The following WTAP variants were observed in gnomAD, a reference collection of about 807,000 sequenced individuals.
The protein encoded by WTAP is pre-mRNA-splicing regulator WTAP.
WTAP carries 8 observed loss-of-function variants against 50.0 expected under a neutral mutation model. The ratio of observed to expected loss-of-function variants is 0.16; its 90% confidence interval spans 0.09 to 0.29. The LOEUF is 0.29. Among genes scored for constraint, WTAP ranks in the 10% least tolerant of loss-of-function variants. The pLI, the probability that WTAP is intolerant of heterozygous loss-of-function variation, is 1.00. For synonymous variants in WTAP, 194 were observed against 169.0 expected, an observed-to-expected ratio of 1.15 and a Z score of -1.15; for missense variants, 295 against 470.7, an observed-to-expected ratio of 0.63 and a Z score of 3.45.
intron 1 of WTAP, among the ~76,000 whole-genome samples, chr6:159,728,018 C>T (rs1457967301): frequency 6.6e-6 from 1 of 152,220 alleles, no homozygotes; most frequent in Non-Finnish European, 1.5e-5. Context: ...CTCGTTTTTT[C>T]CTCGCCTCGG....
intron 6 of WTAP, among the ~76,000 whole-genome samples, chr6:159,752,882 A>C (rs556322573): frequency 1.3e-5 from 2 of 152,244 alleles, no homozygotes; most frequent in South Asian, 4.2e-4. Context: ...TGGCACTACA[A>C]GCATGTGTGC....
At chr6:159,738,859 A>G in intron 2 of WTAP, 131 bp from the exon 3 acceptor site, 1 of 566,908 alleles carries the variant, frequency 1.8e-6, no homozygotes, top group Non-Finnish European at 2.9e-6. Context: ...GTAATAAAAT[A>G]CTTTTTCAAA....
rs375667871 is a variant in WTAP at position 159,753,566 on chromosome 6, T to C, written c.559T>C (p.Leu187=). The change falls in exon 7 of 8, where the codon TTG becomes CTG. Residue 187 remains leucine, a synonymous_variant. Coordinates refer to ENST00000621533, the MANE Select transcript of WTAP (RefSeq NM_001270531.2). ...ACGTATTGCACAACTTGAAGCAGAGTTGGCTTTACAGAAGAAATACAGTGA... is the reference window on the plus strand; with the variant it reads ...ACGTATTGCACAACTTGAAGCAGAGCTGGCTTTACAGAAGAAATACAGTGA... The part of the protein sequence containing the change: ...QGRIAQLEAE[L]ALQKKYSEEL... The C allele has an allele frequency of 9.3e-6, 15 of 1,613,998 alleles. No individual in the cohort carries two copies. The highest frequency in any genetic ancestry group is 1.3e-5 in the African/African-American group (1 of 74,916).
rs554311379 is a variant in WTAP, at chr6:159,730,118, A to G, written c.-9+2415A>G. Among the ~76,000 whole-genome samples the G allele has an allele frequency of 1.2e-4, 19 of 152,254 alleles. 1 individual carries two copies. The South Asian group carries it at 3.7e-3, about 30-fold the overall frequency. On this transcript the variant is annotated intron_variant, in intron 1 of 7. Transcript: ENST00000621533. The stretch of plus-strand genomic sequence containing the variant: ...CCTTTTGAGGGGCACCAAATTTGAG[A>G]CCCTTACCCCCAATTTATTAATTAA...
At chr6:159,739,108 T>G in intron 3 of WTAP, 63 bp downstream of exon 3, 1 of 1,296,412 alleles carries the variant, frequency 7.7e-7, no homozygotes, top group Non-Finnish European at 1.1e-6. Flanking sequence ...GACTCTACAC[T>G]GTAATTGTCT....
Position 159,755,398 on chromosome 6 carries a change from T to C in WTAP, c.978T>C (p.Ser326=). The part of the protein sequence containing the change: ...SSEERTGRGG[S]GYVNQLSAGY... ...AGGAGAGAACTGGCAGAGGAGGTAG[T>C]GGTTACGTAAATCAACTCAGTGCGG... The change falls in exon 8 of 8, where the codon AGT becomes AGC. Residue 326 remains serine (S), a synonymous_variant. Coordinates refer to ENST00000621533, the MANE Select transcript of WTAP (RefSeq NM_001270531.2). 1 of 1,614,140 alleles carries C rather than the reference T, an allele frequency of 6.2e-7. No homozygotes were observed.
chr6:159,746,743 T>C (rs1187407628), intron 5 of WTAP, among the ~76,000 whole-genome samples: 2 of 152,222 alleles, frequency 1.3e-5, no homozygotes, highest in Admixed American at 6.5e-5. Flanking sequence ...ATTTAGTCTT[T>C]TGCCAATCAA....
At chr6:159,750,386 A>G (rs1779774675) in intron 6 of WTAP, among the ~76,000 whole-genome samples, 1 of 152,142 alleles carries the variant, frequency 6.6e-6, no homozygotes, top group Admixed American at 6.5e-5. Context: ...TTTCTCTTTT[A>G]ATAAGATAAT....
chr6:159,740,090 TCA>T (rs1460604826), intron 3 of WTAP, among the ~76,000 whole-genome samples: 1 of 152,000 alleles, frequency 6.6e-6, no homozygotes, highest in Non-Finnish European at 1.5e-5. Flanking sequence ...AGTGATTCTC[TCA>T]CCTTGGCCTC....
At chr6:159,753,747 T>C in intron 7 of WTAP, 133 bp downstream of exon 7, 1 of 1,153,232 alleles carries the variant, frequency 8.7e-7, no homozygotes. Context: ...TTATTGTGAG[T>C]GAAGCATTTT....
chr6:159,727,812 C>T (rs1437774572), intron 1 of WTAP, 109 bp downstream of exon 1: 2 of 787,944 alleles, frequency 2.5e-6, no homozygotes, highest in African/African-American at 1.9e-5. Flanking sequence ...CGAAAGGCCA[C>T]ACGGGCCTGG....
rs1779078769 is a variant in WTAP, at chr6:159,738,921, A to G, written c.31-69A>G. On this transcript the variant is annotated intron_variant, in intron 2 of 7. Transcript: ENST00000621533. Reference sequence around the variant, plus strand: ...AAATCTCACACTTGGGAGATGTTTCATAGGTCTCATTATAGAACTTTGTGT... The same window carrying G: ...AAATCTCACACTTGGGAGATGTTTCGTAGGTCTCATTATAGAACTTTGTGT... 4 of 1,158,746 alleles carry G rather than the reference A, an allele frequency of 3.5e-6. No individual in the cohort carries two copies. In the South Asian group the frequency reaches 5.4e-5, roughly 16 times the overall value. The allele number at this position is 1,158,746 out of a possible 1,614,324, so 71.8% of individuals were successfully genotyped here.
At chr6:159,734,539 T>A (rs1311803213) in intron 1 of WTAP, among the ~76,000 whole-genome samples, 1 of 152,086 alleles carries the variant, frequency 6.6e-6, no homozygotes, top group Non-Finnish European at 1.5e-5. Flanking sequence ...GGGCTGGGCG[T>A]GATCCTTCCA....
chr6:159,754,742 A>G (rs1779942616), intron 7 of WTAP, among the ~76,000 whole-genome samples: 3 of 152,186 alleles, frequency 2.0e-5, no homozygotes, highest in Admixed American at 6.5e-5. Flanking sequence ...CATGTTCAGT[A>G]TAGACCCAGT....
intron 1 of WTAP, among the ~76,000 whole-genome samples, chr6:159,727,989 C>T (rs1210195017): frequency 6.6e-6 from 1 of 152,258 alleles, no homozygotes; most frequent in Non-Finnish European, 1.5e-5. Context: ...GGATGCCCTC[C>T]CCGGGCTGAG....
intron 5 of WTAP, among the ~76,000 whole-genome samples, chr6:159,747,976 G>C (rs1779676295): frequency 6.6e-6 from 1 of 152,138 alleles, no homozygotes; most frequent in Admixed American, 6.5e-5. Context: ...ATAATGTATA[G>C]TGATCAGATC....
chr6:159,749,025 C>T, intron 6 of WTAP: 2 of 1,000,958 alleles, frequency 2.0e-6, no homozygotes, highest in Non-Finnish European at 2.4e-6. Context: ...ACAAGTAGCG[C>T]ATATATTTAA....
intron 7 of WTAP, 90 bp downstream of exon 7, chr6:159,753,704 G>A (rs973394550): frequency 1.4e-6 from 2 of 1,455,368 alleles, no homozygotes; most frequent in East Asian, 2.3e-5. Context: ...GTTAGATTCT[G>A]TACATTGTTA....
chr6:159,748,054 C>T lies in WTAP; in HGVS notation c.274-137C>T, dbSNP rs1779681357. The T allele has an allele frequency of 9.6e-6, 11 of 1,145,122 alleles. No individual in the cohort carries two copies. The highest frequency in any genetic ancestry group is 1.1e-5 in the Non-Finnish European group (9 of 823,102). 70.9% of individuals were successfully genotyped at this position (1,145,122 alleles called of 1,614,324 possible). ...TTTTCTAGAAAGTTTTAAGATTTTT[C>T]TAGAGAATTTCAGGATCAAAGAGGG... On this transcript the variant is annotated intron_variant, in intron 5 of 7. Coordinates refer to ENST00000621533, the MANE Select transcript of WTAP (RefSeq NM_001270531.2). This position sits in a 1 kb window ranked among gnomAD's most constrained non-coding sequence, Gnocchi z 5.6.
Sources: gnomAD v4.1 joint callset for allele counts (sites outside exome capture counted in the v4.1 genomes callset) on GRCh38, gnomAD v4.1.1 for gene constraint, Gnocchi (gnomAD v3.1) non-coding constraint, MANE v1.5 for transcripts, NCBI Gene and HGNC (gene_info 2026-07-23, HGNC 2026-07-21) for gene names.